The following RP1 variants were observed in gnomAD, a reference collection of about 807,000 sequenced individuals.
The protein encoded by RP1 is oxygen-regulated protein 1.
Under a neutral mutation model 14.8 loss-of-function variants are expected in RP1, and 16 were observed. That is an observed-to-expected ratio of 1.08 (90% CI 0.73 to 1.65). RP1 has a LOEUF of 1.65. Among genes scored for constraint, RP1 ranks in the 40% most tolerant of loss-of-function variants. The probability of loss-of-function intolerance (pLI) is 0.00; values close to 1 mark genes in which losing one functional copy is unlikely to be tolerated. For synonymous variants in RP1, 876 were observed against 883.6 expected (o/e 0.99, Z 0.15); for missense variants, 2,631 against 2,535.0 (o/e 1.04, Z -0.81).
intron 25 of RP1, among the ~76,000 whole-genome samples, chr8:54,846,597 G>A (rs1811925866): frequency 6.6e-6 from 1 of 152,090 alleles, no homozygotes; most frequent in Admixed American, 6.5e-5. Flanking sequence ...TGCTACTGAT[G>A]GTGGAAATCT....
intron 14 of RP1, among the ~76,000 whole-genome samples, chr8:54,704,732 T>G (rs539572054): frequency 1.3e-5 from 2 of 152,202 alleles, no homozygotes; most frequent in African/African-American, 4.8e-5. Flanking sequence ...TTTCTCACAT[T>G]ACTATTTCTC....
chr8:54,683,780 T>C (rs1387702426), intron 12 of RP1, among the ~76,000 whole-genome samples: 3 of 152,202 alleles, frequency 2.0e-5, no homozygotes, highest in Non-Finnish European at 4.4e-5. Context: ...CCTATTTGCA[T>C]ACACTTTATT....
chr8:54,773,714 G>A (rs755758527), downstream of RP1, among the ~76,000 whole-genome samples: 3 of 152,106 alleles, frequency 2.0e-5, no homozygotes, highest in African/African-American at 7.2e-5. Context: ...CCTCAGTCAA[G>A]CAGTTAGTAA....
intron 23 of RP1, among the ~76,000 whole-genome samples, chr8:54,778,686 G>T (rs2129378689): frequency 6.6e-6 from 1 of 152,184 alleles, no homozygotes; most frequent in Middle Eastern, 3.4e-3. Context: ...AGAGGAGAGA[G>T]GTGAAAGAGA....
intron 12 of RP1, among the ~76,000 whole-genome samples, chr8:54,680,755 G>A (rs1473430859): frequency 2.6e-5 from 4 of 151,940 alleles, no homozygotes; most frequent in Non-Finnish European, 5.9e-5. Context: ...TCAGGAGATC[G>A]AGACCATCCT....
rs1484896560 is a variant in RP1 at position 54,621,295 on chromosome 8, G to T, written c.329G>T (p.Arg110Met). 7 of 1,613,776 alleles carry T rather than the reference G, an allele frequency of 4.3e-6. No individual in the cohort carries two copies. The highest frequency in any genetic ancestry group is 5.9e-6 in the Non-Finnish European group (7 of 1,180,006). The change falls in exon 2 of 4, where the codon AGG (arginine) becomes ATG (methionine). Residue 110 changes from arginine (R) to methionine (M), a missense_variant. Transcript: ENST00000220676. ...GAGTCCTACCTATGTTCCCACGGCA[G>T]GAAGGTGCAGCCTGTAGACCTGGAC... ...DGESYLCSHG[R>M]KVQPVDLDKA...
At chr8:54,676,235 G>A (rs1324845758) in intron 8 of RP1, among the ~76,000 whole-genome samples, 2 of 152,210 alleles carry the variant, frequency 1.3e-5, no homozygotes, top group African/African-American at 4.8e-5. Flanking sequence ...GGAAGGGACA[G>A]ACAACAAGTT....
intron 24 of RP1, among the ~76,000 whole-genome samples, chr8:54,834,140 A>G (rs1462999401): frequency 2.0e-5 from 3 of 152,024 alleles, no homozygotes; most frequent in African/African-American, 7.2e-5. Flanking sequence ...CTGAAACTTA[A>G]GACTTAAGTT....
At chr8:54,644,972 G>A (rs764400719) in intron 3 of RP1, among the ~76,000 whole-genome samples, 2 of 152,030 alleles carry the variant, frequency 1.3e-5, no homozygotes, top group African/African-American at 2.4e-5. Context: ...TTTCTAAGTT[G>A]TATTGGGTTA....
At chr8:54,638,987 T>C (rs551774536) in intron 3 of RP1, among the ~76,000 whole-genome samples, 2 of 152,180 alleles carry the variant, frequency 1.3e-5, no homozygotes, top group South Asian at 2.1e-4. Flanking sequence ...ATTTGATGGG[T>C]TTTGACAAAT....
chr8:54,855,393 C>T (rs950186263), intron 26 of RP1, among the ~76,000 whole-genome samples: 4 of 152,134 alleles, frequency 2.6e-5, no homozygotes, highest in South Asian at 2.1e-4. Context: ...GGGTTGCTTC[C>T]GCCTTTTAGC....
intron 23 of RP1, among the ~76,000 whole-genome samples, chr8:54,779,705 A>T (rs985819192): frequency 1.3e-5 from 2 of 152,220 alleles, no homozygotes; most frequent in Admixed American, 6.5e-5. Context: ...ATAAGAAAAC[A>T]TTGGGAAGGA....
chr8:54,752,452 C>T (rs1563366139), intron 19 of RP1, among the ~76,000 whole-genome samples: 1 of 152,208 alleles, frequency 6.6e-6, no homozygotes, highest in Non-Finnish European at 1.5e-5. Context: ...CATAGCAACT[C>T]GGTGAGTGCT....
chr8:54,738,867 G>T, intron 18 of RP1: 1 of 944,762 alleles, frequency 1.1e-6, no homozygotes, highest in South Asian at 2.2e-5. Context: ...TGCAGTTAGT[G>T]TAAAAAGAAA....
At chr8:54,771,432 A>G (rs1207838831), downstream of RP1, among the ~76,000 whole-genome samples, 1 of 152,088 alleles carries the variant, frequency 6.6e-6, no homozygotes, top group Middle Eastern at 3.2e-3. Context: ...CAATAATGTA[A>G]GACATGTAAT....
At chr8:54,701,648 G>A (rs1162812031) in exon 14 of RP1, 2 of 1,534,210 alleles carry the variant, frequency 1.3e-6, no homozygotes, top group East Asian at 4.9e-5. Context: ...AAAAGAATTT[G>A]TGATTTTTGT....
chr8:54,670,054 AG>A (rs1313544679), intron 7 of RP1, among the ~76,000 whole-genome samples: 3 of 152,146 alleles, frequency 2.0e-5, no homozygotes, highest in Non-Finnish European at 2.9e-5. Context: ...AAATAAAAAC[AG>A]AAAAAAAGAG....
intron 12 of RP1, among the ~76,000 whole-genome samples, chr8:54,683,182 C>T (rs183860857): frequency 9.9e-5 from 15 of 152,184 alleles, no homozygotes; most frequent in East Asian, 3.9e-4. Flanking sequence ...GTAACAGTAC[C>T]GTGCTGTTTT....
chr8:54,736,636 T>A (rs1243340722), intron 18 of RP1, among the ~76,000 whole-genome samples: 1 of 152,168 alleles, frequency 6.6e-6, no homozygotes, highest in Non-Finnish European at 1.5e-5. Context: ...GCCTCTGTCA[T>A]TTACTGTGAA....
Sources: gnomAD v4.1 joint callset for allele counts (sites outside exome capture counted in the v4.1 genomes callset) on GRCh38, gnomAD v4.1.1 for gene constraint, MANE v1.5 for transcripts, NCBI Gene and HGNC (gene_info 2026-07-23, HGNC 2026-07-21) for gene names.